The following CACNA2D1 variants were observed in gnomAD, a reference collection of about 807,000 sequenced individuals.
CACNA2D1 encodes the protein voltage-dependent calcium channel subunit alpha-2/delta-1.
A neutral mutation model predicts 171.5 loss-of-function variants in CACNA2D1; 53 were observed. The observed-to-expected ratio is 0.31, with a 90% CI of 0.25 to 0.39. The LOEUF is 0.39. CACNA2D1 is among the 10% of genes least tolerant of loss of function. The probability of loss-of-function intolerance (pLI) is 1.00; values close to 1 mark genes in which losing one functional copy is unlikely to be tolerated. For synonymous variants in CACNA2D1, 442 were observed against 443.1 expected (o/e 1.00, Z 0.03); for missense variants, 903 against 1,299.8 (o/e 0.69, Z 4.69).
intron 3 of CACNA2D1, among the ~76,000 whole-genome samples, chr7:82,334,119 T>C (rs1292848835): frequency 6.6e-6 from 1 of 152,090 alleles, no homozygotes; most frequent in Non-Finnish European, 1.5e-5. Context: ...GTCTCCCTCA[T>C]TAGTGACAAG....
intron 3 of CACNA2D1, among the ~76,000 whole-genome samples, chr7:82,315,029 G>A (rs1313597530): frequency 7.6e-5 from 11 of 143,834 alleles, no homozygotes; most frequent in East Asian, 2.0e-4. Context: ...CCAGCTACTC[G>A]GGAGGCTGAG....
At chr7:82,105,506 A>C (rs571336280) in intron 6 of CACNA2D1, among the ~76,000 whole-genome samples, 3 of 151,028 alleles carry the variant, frequency 2.0e-5, no homozygotes, top group Admixed American at 6.6e-5. Flanking sequence ...AGGTCAAAAA[A>C]TTCCTCTGAC....
intron 36 of CACNA2D1, among the ~76,000 whole-genome samples, chr7:81,960,693 C>T (rs893650560): frequency 4.0e-5 from 6 of 150,264 alleles, no homozygotes; most frequent in Admixed American, 3.3e-4. Context: ...CTTGGTTATA[C>T]TGACCTTCTT....
intron 3 of CACNA2D1, among the ~76,000 whole-genome samples, chr7:82,176,576 G>A (rs1796557926): frequency 6.6e-6 from 1 of 151,804 alleles, no homozygotes; most frequent in Non-Finnish European, 1.5e-5. Flanking sequence ...TGGAAACTGG[G>A]ATTTGAGGAT....
chr7:82,253,694 T>G (rs1300933981), intron 3 of CACNA2D1, among the ~76,000 whole-genome samples: 1 of 152,206 alleles, frequency 6.6e-6, no homozygotes, highest in African/African-American at 2.4e-5. Context: ...TCCTATATAA[T>G]GTGTTTTTAT....
intron 10 of CACNA2D1, among the ~76,000 whole-genome samples, chr7:82,048,163 T>C (rs1804766475): frequency 6.6e-6 from 1 of 152,140 alleles, no homozygotes; most frequent in East Asian, 1.9e-4. Context: ...ATGACAGTTA[T>C]CAACTAGGGT....
intron 3 of CACNA2D1, among the ~76,000 whole-genome samples, chr7:82,281,848 C>G (rs1251268931): frequency 6.6e-6 from 1 of 151,814 alleles, no homozygotes; most frequent in African/African-American, 2.4e-5. Context: ...ATTGACAATT[C>G]CCTTTATAAA....
chr7:81,951,969 G>GTTTTTTT (rs774805421), intron 38 of CACNA2D1, among the ~76,000 whole-genome samples: 856 of 71,740 alleles, frequency 0.012, 18 homozygotes, highest in African/African-American at 0.026. Context: ...TGTACAAAGT[G>GTTTTTTT]TTTTTTTTTT....
At chr7:82,324,722 T>C (rs1170854872) in intron 3 of CACNA2D1, among the ~76,000 whole-genome samples, 2 of 152,126 alleles carry the variant, frequency 1.3e-5, no homozygotes, top group African/African-American at 4.8e-5. Flanking sequence ...GCAGGACAGG[T>C]ATCTCCCACT....
intron 10 of CACNA2D1, among the ~76,000 whole-genome samples, chr7:82,055,769 G>T (rs1376575315): frequency 3.6e-5 from 3 of 82,468 alleles, no homozygotes; most frequent in African/African-American, 9.7e-5. Context: ...GTTGTAGGGT[G>T]GGGGGAGGGG....
intron 32 of CACNA2D1, 138 bp from the exon 33 acceptor site, chr7:81,964,497 T>A: frequency 1.5e-6 from 1 of 660,318 alleles, no homozygotes; most frequent in South Asian, 1.9e-5. Context: ...CAAAAGCAAA[T>A]GAGAAACGTG....
chr7:81,988,009 C>A (rs563036060), intron 21 of CACNA2D1, among the ~76,000 whole-genome samples: 1 of 152,042 alleles, frequency 6.6e-6, no homozygotes, highest in African/African-American at 2.4e-5. Context: ...TGGGTGCATG[C>A]GGAAAAGAGG....
chr7:82,116,972 C>G (rs1789123650), intron 6 of CACNA2D1, 72 bp downstream of exon 6: 2 of 1,523,526 alleles, frequency 1.3e-6, no homozygotes, highest in Admixed American at 3.4e-5. Flanking sequence ...TTTTTTTTCC[C>G]CCTCAAACAT....
chr7:81,968,881 C>T lies in CACNA2D1; in HGVS notation c.2395+6G>A, dbSNP rs752091832. On this transcript the variant is annotated splice_donor_region_variant and intron_variant, in intron 29 of 38. Transcript: ENST00000356860. ...TTGTGTTTTTGTATTTAATATTTAT[C>T]CTTACCTGCAGGTTTAAGAAGTTTC... 2 of 1,370,500 alleles carry T rather than the reference C, an allele frequency of 1.5e-6. No homozygotes were observed. Among genetic ancestry groups the T allele is most frequent in the African/African-American group, 1.4e-5 (1 of 69,940 alleles). 84.9% of individuals were successfully genotyped at this position (1,370,500 alleles called of 1,614,324 possible).
At chr7:82,064,442 A>G (rs368114723) in intron 8 of CACNA2D1, 88 bp from the exon 9 acceptor site, 82 of 1,005,130 alleles carry the variant, frequency 8.2e-5, no homozygotes, top group Non-Finnish European at 1.1e-4. Context: ...ACTCTGAGAC[A>G]AGGTTTTTTT....
At chr7:82,291,525 GATCT>G (rs1811597948) in intron 3 of CACNA2D1, among the ~76,000 whole-genome samples, 3 of 125,872 alleles carry the variant, frequency 2.4e-5, no homozygotes, top group Admixed American at 8.7e-5. Context: ...TATATAGATA[GATCT>G]ATATATGTGA....
chr7:82,021,129 T>C (rs1693354008), intron 12 of CACNA2D1: 1 of 152,090 alleles, frequency 6.6e-6, no homozygotes, highest in South Asian at 2.1e-4. Context: ...TAGTACTAGA[T>C]AAAGGAAGAA....
At chr7:82,101,992 T>C (rs1429108410) in intron 6 of CACNA2D1, among the ~76,000 whole-genome samples, 1 of 152,186 alleles carries the variant, frequency 6.6e-6, no homozygotes, top group East Asian at 1.9e-4. Flanking sequence ...GGTAATATAT[T>C]GATCTGTGGA....
At position 82,235,722 on chromosome 7, in the gene CACNA2D1, T is replaced by G. The variant is rs185236529; in HGVS notation, c.295-65113A>C. Among the ~76,000 whole-genome samples, 40 of 152,184 alleles carry G rather than the reference T, an allele frequency of 2.6e-4. No homozygotes were observed. The East Asian group carries it at 7.0e-3, about 26-fold the overall frequency. On this transcript the variant is annotated intron_variant, in intron 3 of 38. Coordinates refer to ENST00000356860, the MANE Select transcript of CACNA2D1 (RefSeq NM_000722.4). ...TGGATTTCCTTCATTTTTTAAAGAT[T>G]TTTCCTCAAATGCCAAGCACCATTG...
Sources: allele counts gnomAD v4.1 joint callset (sites outside exome capture counted in the v4.1 genomes callset), GRCh38; gene constraint gnomAD v4.1.1; transcripts MANE v1.5; gene names NCBI Gene and HGNC (gene_info 2026-07-23, HGNC 2026-07-21).